TNS3: variants seen among roughly 807,000 people sequenced by gnomAD.
TNS3 encodes tensin 3, also known as tensin-3.
In TNS3, 45 loss-of-function variants were observed where a neutral mutation model predicts 140.9. The ratio of observed to expected loss-of-function variants is 0.32; its 90% CI spans 0.25 to 0.41. The LOEUF (loss-of-function observed/expected upper bound fraction) is 0.41, where lower values mean the gene tolerates loss of function less well. Among genes scored for constraint, TNS3 ranks in the 10% least tolerant of loss-of-function variants. TNS3 has a pLI of 1.00. For synonymous variants in TNS3, 815 were observed against 788.4 expected (o/e 1.03, Z -0.56); for missense variants, 1,716 against 1,906.7 (o/e 0.90, Z 1.86).
At chr7:47,433,261 A>G (rs1322941275) in intron 8 of TNS3, among the ~76,000 whole-genome samples, 1 of 152,258 alleles carries the variant, frequency 6.6e-6, no homozygotes. Flanking sequence ...TCACCCCCGC[A>G]GTGATGATGA....
chr7:47,392,272 G>A (rs1283906123), intron 16 of TNS3, among the ~76,000 whole-genome samples: 1 of 152,178 alleles, frequency 6.6e-6, no homozygotes, highest in Non-Finnish European at 1.5e-5. Flanking sequence ...CAGGGCGTTT[G>A]TAATCACTTG....
intron 20 of TNS3, among the ~76,000 whole-genome samples, chr7:47,313,445 C>A (rs1484023799): frequency 2.0e-5 from 3 of 152,122 alleles, no homozygotes; most frequent in African/African-American, 7.2e-5. Flanking sequence ...TTCCTAGGGT[C>A]TCATGCCAAG....
chr7:47,357,952 T>C (rs1269638001), intron 17 of TNS3, among the ~76,000 whole-genome samples: 1 of 152,110 alleles, frequency 6.6e-6, no homozygotes, highest in Non-Finnish European at 1.5e-5. Context: ...AACTGTAACC[T>C]TACGTGCAGA....
At chr7:47,401,253 CCT>C (rs766112697) in intron 13 of TNS3, among the ~76,000 whole-genome samples, 77 of 152,314 alleles carry the variant, frequency 5.1e-4, no homozygotes, top group Non-Finnish European at 9.1e-4. Flanking sequence ...GTGAATGTGC[CCT>C]GTTTTGGAAC....
rs536653597 is a variant in TNS3, at chr7:47,537,184, G to C, written c.-264-8037C>G. Among the ~76,000 whole-genome samples the C allele has an allele frequency of 2.6e-5, 4 of 152,116 alleles. No homozygotes were observed. The East Asian group carries it at 5.9e-4, about 22-fold the overall frequency. On this transcript the variant is annotated intron_variant, in intron 1 of 30. Coordinates refer to ENST00000311160, the MANE Select transcript of TNS3 (RefSeq NM_022748.12). The stretch of plus-strand genomic sequence containing the variant: ...GCTGACCCCTCCCCAGCGGCTATCT[G>C]GGGGGAGGATGCCTCCCGAGTCCCC...
chr7:47,282,599 T>G (rs1785205804), intron 28 of TNS3, among the ~76,000 whole-genome samples: 1 of 152,208 alleles, frequency 6.6e-6, no homozygotes. Context: ...GGGCACTTGC[T>G]GAGTGCCCTT....
intron 2 of TNS3, among the ~76,000 whole-genome samples, chr7:47,513,439 G>A (rs1335122048): frequency 6.6e-6 from 1 of 152,190 alleles, no homozygotes; most frequent in Admixed American, 6.5e-5. Context: ...AAAATGCTGG[G>A]ATTACAAGCA....
At position 47,299,005 on chromosome 7, in the gene TNS3, C is replaced by T. The variant is rs74687840; in HGVS notation, c.3545-1792G>A. On this transcript the variant is annotated intron_variant, in intron 23 of 30. Coordinates refer to ENST00000311160, the MANE Select transcript of TNS3 (RefSeq NM_022748.12). ...GGCCTGCAGCCGCCCATGCAAGGGA[C>T]CCAGGGCTGGGTGGGGGGCCTCCTG... 3.1e-3 allele frequency among the ~76,000 whole-genome samples: 476 copies of T among 152,320 alleles called. 6 individuals carry two copies. Among genetic ancestry groups the T allele is most frequent in the Admixed American group, 0.021 (327 of 15,308 alleles).
At chr7:47,409,656 A>ATTTTTTTT (rs1314338489) in intron 13 of TNS3, among the ~76,000 whole-genome samples, 2 of 150,128 alleles carry the variant, frequency 1.3e-5, no homozygotes, top group African/African-American at 5.0e-5. Flanking sequence ...CTCTTGGCCT[A>ATTTTTTTT]TTCTTTTTTT....
At chr7:47,577,031 C>CTA (rs1372424438) in intron 1 of TNS3, among the ~76,000 whole-genome samples, 2 of 152,204 alleles carry the variant, frequency 1.3e-5, no homozygotes, top group Non-Finnish European at 2.9e-5. Flanking sequence ...TTCATAAACT[C>CTA]TACACACAAG....
intron 1 of TNS3, among the ~76,000 whole-genome samples, chr7:47,536,121 C>T (rs1489620077): frequency 2.0e-5 from 3 of 152,246 alleles, no homozygotes; most frequent in Non-Finnish European, 4.4e-5. Flanking sequence ...CCCTCCACAT[C>T]CAACACATAT....
intron 16 of TNS3, among the ~76,000 whole-genome samples, chr7:47,377,221 G>A (rs1377911728): frequency 6.6e-6 from 1 of 152,234 alleles, no homozygotes; most frequent in Non-Finnish European, 1.5e-5. Context: ...AGTGCCCATG[G>A]TGGGCTCTGA....
intron 17 of TNS3, among the ~76,000 whole-genome samples, chr7:47,364,112 T>C (rs1383431778): frequency 6.6e-6 from 1 of 152,028 alleles, no homozygotes; most frequent in Non-Finnish European, 1.5e-5. Context: ...ATTTTTGTTT[T>C]CTGCCGCTTG....
At chr7:47,400,720 G>C in intron 14 of TNS3, 65 bp downstream of exon 14, 3 of 1,589,456 alleles carry the variant, frequency 1.9e-6, no homozygotes, top group Non-Finnish European at 2.6e-6. Flanking sequence ...GATAGTGAAA[G>C]AATCAACCAA....
intron 4 of TNS3, among the ~76,000 whole-genome samples, chr7:47,475,711 A>C (rs556781679): frequency 1.3e-5 from 2 of 152,292 alleles, no homozygotes; most frequent in Admixed American, 6.5e-5. Flanking sequence ...GAAGGTAAAC[A>C]CAGGATGGAA....
chr7:47,576,424 A>G (rs1000786979), intron 1 of TNS3, among the ~76,000 whole-genome samples: 2 of 152,224 alleles, frequency 1.3e-5, no homozygotes, highest in African/African-American at 4.8e-5. Flanking sequence ...ACCTCTCAGG[A>G]CAAAGGACAG....
rs1792261161 is a variant in TNS3 at position 47,389,005 on chromosome 7, AG to A, written c.1024+7794del. ...AGCAGAGGAAGAAGAAGAAGAAGGA[AG>A]AAGAAGAAGAAGAAGAAGAAGAAGA... On this transcript the variant is annotated intron_variant, in intron 16 of 30. Transcript: ENST00000311160. Among the ~76,000 whole-genome samples, 2 of 2,676 alleles carry A rather than the reference AG, an allele frequency of 7.5e-4. 1 individual carries two copies. The highest frequency in any genetic ancestry group is 0.012 in the Admixed American group (2 of 170). 1.8% of individuals were successfully genotyped at this position (2,676 alleles called of 152,430 possible). A position where few individuals can be genotyped will look rare whatever the true frequency, so the allele number is the denominator to read the frequency against.
At position 47,292,072 on chromosome 7, in the gene TNS3, T is replaced by C. The variant is rs76191441; in HGVS notation, c.3851-40A>G. ...AAGAAAATACAGAAATGAGTCCTGCTCCTGACCAAGAATCCTCATGACAAA... is the reference window on the plus strand; with the variant it reads ...AAGAAAATACAGAAATGAGTCCTGCCCCTGACCAAGAATCCTCATGACAAA... On this transcript the variant is annotated intron_variant, in intron 26 of 30. Coordinates refer to ENST00000311160, the MANE Select transcript of TNS3 (RefSeq NM_022748.12). The C allele has an allele frequency of 6.1e-3, 9,719 of 1,595,202 alleles. 507 individuals carry two copies. In the African/African-American group the frequency reaches 0.11, roughly 19 times the overall value.
chr7:47,432,291 G>A (rs1160195049), intron 8 of TNS3, among the ~76,000 whole-genome samples: 1 of 152,100 alleles, frequency 6.6e-6, no homozygotes, highest in South Asian at 2.1e-4. Context: ...GAGTAGAACT[G>A]GTGGCTTTCT....
Sources: gnomAD v4.1 joint callset for allele counts (sites outside exome capture counted in the v4.1 genomes callset) on GRCh38, gnomAD v4.1.1 for gene constraint, MANE v1.5 for transcripts, NCBI Gene and HGNC (gene_info 2026-07-23, HGNC 2026-07-21) for gene names.